LRBA: variants seen among roughly 807,000 people sequenced by gnomAD.
The protein encoded by LRBA is LPS responsive beige-like anchor protein, also known as lipopolysaccharide-responsive and beige-like anchor protein.
In LRBA, 176 loss-of-function variants were observed where a neutral mutation model predicts 330.0. The ratio of observed to expected loss-of-function variants is 0.53; its 90% CI spans 0.47 to 0.60. The LOEUF is 0.60. Among genes scored for constraint, LRBA ranks in the 20% least tolerant of loss-of-function variants. The pLI, the probability that LRBA is intolerant of heterozygous loss-of-function variation, is 0.00. For missense variants in LRBA, 3,259 were observed against 3,444.8 expected (o/e 0.95, Z 1.35); for synonymous variants, 1,230 against 1,193.0 (o/e 1.03, Z -0.64).
intron 2 of LRBA, among the ~76,000 whole-genome samples, chr4:150,986,074 C>T (rs540239376): frequency 6.6e-6 from 1 of 152,188 alleles, no homozygotes; most frequent in East Asian, 1.9e-4. Flanking sequence ...TACAGTCACA[C>T]AGGCAAATTC....
intron 44 of LRBA, among the ~76,000 whole-genome samples, chr4:150,456,571 A>T (rs1754097849): frequency 1.3e-5 from 2 of 152,126 alleles, no homozygotes; most frequent in African/African-American, 4.8e-5. Flanking sequence ...TATTCTGGTT[A>T]TTAATCCCTT....
chr4:150,920,773 G>T (rs1733166891), intron 5 of LRBA, among the ~76,000 whole-genome samples: 2 of 151,966 alleles, frequency 1.3e-5, no homozygotes. Context: ...CACAAGTCAA[G>T]GAAAACTTGC....
intron 46 of LRBA, among the ~76,000 whole-genome samples, chr4:150,434,014 A>G (rs187307327): frequency 2.6e-5 from 4 of 152,182 alleles, no homozygotes; most frequent in Non-Finnish European, 4.4e-5. Context: ...AAAGTATCAT[A>G]CCTAAAAGCA....
chr4:150,869,211 G>A (rs943586805), intron 20 of LRBA, among the ~76,000 whole-genome samples: 1 of 151,086 alleles, frequency 6.6e-6, no homozygotes. Context: ...GAGCCACCAC[G>A]GCCGGCCTAC....
chr4:150,467,071 A>C (rs1373915285), intron 44 of LRBA, among the ~76,000 whole-genome samples: 4 of 152,110 alleles, frequency 2.6e-5, no homozygotes, highest in Admixed American at 2.6e-4. Flanking sequence ...AAAGACTACA[A>C]ACAGTGTCAA....
intron 47 of LRBA, among the ~76,000 whole-genome samples, chr4:150,376,116 C>T (rs13116152): frequency 0.4 from 60,248 of 151,958 alleles, 12,369 homozygotes; most frequent in Middle Eastern, 0.48. Flanking sequence ...CTACCTATAT[C>T]TACAGGGGTG....
chr4:150,673,031 G>A (rs757858084), intron 37 of LRBA, among the ~76,000 whole-genome samples: 3 of 152,156 alleles, frequency 2.0e-5, no homozygotes, highest in Non-Finnish European at 4.4e-5. Flanking sequence ...GGAGTCAGGA[G>A]AGTAGGATTC....
At chr4:150,349,966 T>C (rs760013626) in intron 48 of LRBA, 26 bp downstream of exon 48, 5 of 1,607,780 alleles carry the variant, frequency 3.1e-6, no homozygotes, top group East Asian at 2.2e-5. Flanking sequence ...TGACTATAAG[T>C]TGCTTTCTCA....
intron 42 of LRBA, among the ~76,000 whole-genome samples, chr4:150,474,427 A>AT (rs1212020097): frequency 1.3e-5 from 2 of 152,180 alleles, no homozygotes; most frequent in African/African-American, 4.8e-5. Flanking sequence ...GCTCTACAAT[A>AT]AGTTTTGAAA....
intron 37 of LRBA, among the ~76,000 whole-genome samples, chr4:150,603,509 T>C (rs1050424180): frequency 6.6e-6 from 1 of 152,166 alleles, no homozygotes; most frequent in African/African-American, 2.4e-5. Flanking sequence ...TTTTTTAAGA[T>C]GGTAGAGTGT....
At chr4:150,593,320 GGA>G (rs1443920278) in intron 38 of LRBA, among the ~76,000 whole-genome samples, 5 of 152,020 alleles carry the variant, frequency 3.3e-5, no homozygotes, top group Admixed American at 3.3e-4. Flanking sequence ...CATAAGTCAG[GGA>G]GTAGTGTTAA....
chr4:150,958,047 C>G (rs1737725277), intron 2 of LRBA, among the ~76,000 whole-genome samples: 1 of 149,052 alleles, frequency 6.7e-6, no homozygotes, highest in Non-Finnish European at 1.5e-5. Flanking sequence ...ATTCTGGGGT[C>G]TGGAAGATTG....
At chr4:150,366,195 C>G (rs986292108) in intron 47 of LRBA, among the ~76,000 whole-genome samples, 11 of 151,800 alleles carry the variant, frequency 7.2e-5, no homozygotes, top group Admixed American at 2.6e-4. Context: ...TTTTTTTAAG[C>G]CTTTCAGACA....
intron 40 of LRBA, among the ~76,000 whole-genome samples, chr4:150,559,927 AATAT>A (rs1306315263): frequency 1.1e-5 from 1 of 95,210 alleles, no homozygotes; most frequent in East Asian, 3.0e-4. Flanking sequence ...TATAAATATA[AATAT>A]ATATATATCT....
intron 48 of LRBA, among the ~76,000 whole-genome samples, chr4:150,332,141 A>G (rs1309437704): frequency 6.6e-6 from 1 of 152,146 alleles, no homozygotes; most frequent in Admixed American, 6.5e-5. Flanking sequence ...AATGTTACCA[A>G]CTACTCATCT....
At chr4:150,831,695 T>A (rs1747216092) in intron 29 of LRBA, 122 bp downstream of exon 29, 1 of 623,048 alleles carries the variant, frequency 1.6e-6, no homozygotes, top group Non-Finnish European at 2.5e-6. Context: ...TAAAAATATA[T>A]GTATGCTCTC....
intron 2 of LRBA, among the ~76,000 whole-genome samples, chr4:150,937,937 A>C (rs1212197468): frequency 1.3e-5 from 2 of 152,130 alleles, no homozygotes; most frequent in African/African-American, 4.8e-5. Context: ...TCTTCTCTTC[A>C]AAAGATTAAT....
intron 34 of LRBA, among the ~76,000 whole-genome samples, chr4:150,771,363 C>A (rs1458664403): frequency 6.6e-6 from 1 of 152,176 alleles, no homozygotes; most frequent in Admixed American, 6.5e-5. Flanking sequence ...ACATTCAGTT[C>A]TATCAAGCCA....
intron 17 of LRBA, among the ~76,000 whole-genome samples, chr4:150,873,546 T>C (rs987001324): frequency 2.0e-5 from 3 of 151,480 alleles, no homozygotes; most frequent in Admixed American, 6.6e-5. Flanking sequence ...GCCGAGATCA[T>C]GCCACTGCAC....
Sources: allele counts gnomAD v4.1 joint callset (sites outside exome capture counted in the v4.1 genomes callset), GRCh38; gene constraint gnomAD v4.1.1; transcripts MANE v1.5; gene names NCBI Gene and HGNC (gene_info 2026-07-23, HGNC 2026-07-21).